LDLRAD4: variants seen among roughly 807,000 people sequenced by gnomAD.
The protein encoded by LDLRAD4 is low density lipoprotein receptor class A domain containing 4, also known as low-density lipoprotein receptor class A domain-containing protein 4.
In LDLRAD4, 5 loss-of-function variants were observed where a neutral mutation model predicts 17.0. The observed-to-expected ratio is 0.29, with a 90% CI of 0.15 to 0.62. The LOEUF is 0.62. LDLRAD4 is among the 20% of genes least tolerant of loss of function. LDLRAD4 has a pLI of 0.84. For synonymous variants in LDLRAD4, 168 were observed against 171.8 expected, an observed-to-expected ratio of 0.98 and a Z score of 0.17; for missense variants, 340 against 424.7, an observed-to-expected ratio of 0.80 and a Z score of 1.75.
chr18:13,503,347 T>C (rs1475256632), intron 3 of LDLRAD4, among the ~76,000 whole-genome samples: 1 of 152,246 alleles, frequency 6.6e-6, no homozygotes, highest in East Asian at 1.9e-4. Context: ...GCAGGCAACC[T>C]GCCATTGTTC....
chr18:13,270,132 G>A (rs1396405645), intron 1 of LDLRAD4, among the ~76,000 whole-genome samples: 2 of 152,138 alleles, frequency 1.3e-5, no homozygotes, highest in Non-Finnish European at 2.9e-5. Flanking sequence ...AGAGGCCAAG[G>A]TGGGATGATC....
chr18:13,405,573 G>A (rs1201607765), intron 2 of LDLRAD4, among the ~76,000 whole-genome samples: 1 of 151,778 alleles, frequency 6.6e-6, no homozygotes, highest in African/African-American at 2.4e-5. Flanking sequence ...TGGGACCACA[G>A]GCACAAGCCA....
chr18:13,403,987 G>A (rs897660512), intron 2 of LDLRAD4, among the ~76,000 whole-genome samples: 12 of 152,228 alleles, frequency 7.9e-5, no homozygotes, highest in South Asian at 2.1e-4. Context: ...TACACTGAGC[G>A]CAAGGACCCT....
chr18:13,601,624 A>G (rs1317692345), intron 3 of LDLRAD4, among the ~76,000 whole-genome samples: 3 of 149,676 alleles, frequency 2.0e-5, no homozygotes, highest in Non-Finnish European at 3.0e-5. Flanking sequence ...ACGGCACTCC[A>G]GCCTGGGCGA....
At chr18:13,372,181 A>G (rs923432111) in intron 1 of LDLRAD4, among the ~76,000 whole-genome samples, 5 of 152,250 alleles carry the variant, frequency 3.3e-5, no homozygotes, top group Admixed American at 3.3e-4. Flanking sequence ...CAGGCATGCC[A>G]TCAGAAAGGC....
intron 3 of LDLRAD4, among the ~76,000 whole-genome samples, chr18:13,574,775 G>A (rs1273439843): frequency 6.6e-6 from 1 of 152,236 alleles, no homozygotes; most frequent in Non-Finnish European, 1.5e-5. Context: ...GAAACAAAGA[G>A]CTTCCTGCTT....
chr18:13,568,216 C>T (rs964792632), intron 3 of LDLRAD4, among the ~76,000 whole-genome samples: 1 of 151,904 alleles, frequency 6.6e-6, no homozygotes, highest in South Asian at 2.1e-4. Context: ...ATCACTTGAA[C>T]CTGGGAGGTG....
At chr18:13,407,289 A>C (rs1174612914) in intron 2 of LDLRAD4, among the ~76,000 whole-genome samples, 1 of 152,112 alleles carries the variant, frequency 6.6e-6, no homozygotes, top group Non-Finnish European at 1.5e-5. Context: ...AGAGACATAA[A>C]AGTAATTTAG....
At chr18:13,458,663 T>C (rs1017111754) in intron 3 of LDLRAD4, among the ~76,000 whole-genome samples, 1 of 152,220 alleles carries the variant, frequency 6.6e-6, no homozygotes, top group African/African-American at 2.4e-5. Context: ...TTTACAGATA[T>C]GACTAAGGCT....
chr18:13,220,683 T>C (rs2041401112), intron 1 of LDLRAD4, among the ~76,000 whole-genome samples: 1 of 152,248 alleles, frequency 6.6e-6, no homozygotes, highest in Non-Finnish European at 1.5e-5. Flanking sequence ...CAGAGGTGTT[T>C]ACAGTTTGGG....
chr18:13,528,674 C>T (rs1286525360), intron 3 of LDLRAD4, among the ~76,000 whole-genome samples: 2 of 152,194 alleles, frequency 1.3e-5, no homozygotes, highest in Admixed American at 1.3e-4. Flanking sequence ...GTATAATTTA[C>T]GTAAGTTTGC....
chr18:13,228,513 C>T (rs190909718), intron 1 of LDLRAD4, among the ~76,000 whole-genome samples: 8 of 152,186 alleles, frequency 5.3e-5, no homozygotes, highest in Non-Finnish European at 1.0e-4. Context: ...CTAGTGGGGA[C>T]GGGAGGCCTT....
At chr18:13,429,633 C>T (rs904418306) in intron 2 of LDLRAD4, among the ~76,000 whole-genome samples, 15 of 152,180 alleles carry the variant, frequency 9.9e-5, no homozygotes, top group Non-Finnish European at 1.8e-4. Context: ...TCATAAGAAT[C>T]GAAGGACTTT....
At chr18:13,400,780 AC>A (rs2145503137) in intron 2 of LDLRAD4, among the ~76,000 whole-genome samples, 1 of 152,210 alleles carries the variant, frequency 6.6e-6, no homozygotes, top group South Asian at 2.1e-4. Context: ...GACGTGGTTC[AC>A]TTACGGGCCA....
rs1200120592 is a variant in LDLRAD4, at chr18:13,645,166, C to A, written c.430C>A (p.Pro144Thr). Residue 144 changes from proline (P) to threonine (T), a missense_variant, in exon 6 of 6, where the codon CCG (proline) becomes ACG (threonine). By Grantham distance (38) the Pro-to-Thr change is conservative. Transcript: ENST00000359446. This position sits in a 1 kb window ranked among gnomAD's most constrained non-coding sequence, Gnocchi z 5.7. ...GCGGTCCAGGGACAGGTTCACAGCGCCGTCCTTCATCCAGAGGGATCGCTT... is the reference window on the plus strand; with the variant it reads ...GCGGTCCAGGGACAGGTTCACAGCGACGTCCTTCATCCAGAGGGATCGCTT... 14 of 1,613,814 alleles carry A rather than the reference C, an allele frequency of 8.7e-6. No individual in the cohort carries two copies. The highest frequency in any genetic ancestry group is 1.3e-5 in the African/African-American group (1 of 74,908).
intron 1 of LDLRAD4, among the ~76,000 whole-genome samples, chr18:13,284,500 A>G (rs2045492909): frequency 6.6e-6 from 1 of 152,024 alleles, no homozygotes; most frequent in African/African-American, 2.4e-5. Flanking sequence ...CAAATTTTCC[A>G]CCTAAAATTT....
At chr18:13,350,216 A>G (rs1459210877) in intron 1 of LDLRAD4, among the ~76,000 whole-genome samples, 1 of 152,222 alleles carries the variant, frequency 6.6e-6, no homozygotes, top group Non-Finnish European at 1.5e-5. Context: ...ACTGTCTTCC[A>G]CAATGGTCCA....
chr18:13,630,136 G>T (rs2041537513), intron 4 of LDLRAD4, among the ~76,000 whole-genome samples: 1 of 152,212 alleles, frequency 6.6e-6, no homozygotes, highest in African/African-American at 2.4e-5. Flanking sequence ...CTAGCCCATT[G>T]CATTGTCCCA....
intron 1 of LDLRAD4, among the ~76,000 whole-genome samples, chr18:13,343,804 G>A (rs554115322): frequency 6.4e-4 from 97 of 152,228 alleles, no homozygotes; most frequent in African/African-American, 2.2e-3. Flanking sequence ...ATCTCATTGT[G>A]GTTTTGATTT....
Sources: gnomAD v4.1 joint callset for allele counts (sites outside exome capture counted in the v4.1 genomes callset) on GRCh38, gnomAD v4.1.1 for gene constraint, Gnocchi (gnomAD v3.1) non-coding constraint, MANE v1.5 for transcripts, NCBI Gene and HGNC (gene_info 2026-07-23, HGNC 2026-07-21) for gene names.